The following SYVN1 variants were observed in gnomAD, a reference collection of about 807,000 sequenced individuals.
SYVN1 encodes synoviolin 1, also known as E3 ubiquitin-protein ligase synoviolin.
SYVN1 carries 17 observed loss-of-function variants against 62.6 expected under a neutral mutation model. The ratio of observed to expected loss-of-function variants is 0.27; its 90% CI spans 0.19 to 0.41. SYVN1 has a LOEUF of 0.41. SYVN1 is among the 10% of genes least tolerant of loss of function. The pLI, the probability that SYVN1 is intolerant of heterozygous loss-of-function variation, is 1.00. For missense variants in SYVN1, 634 were observed against 818.0 expected, an observed-to-expected ratio of 0.78 and a Z score of 2.74; for synonymous variants, 316 against 304.0, an observed-to-expected ratio of 1.04 and a Z score of -0.41.
chr11:65,132,475 A>C, intron 5 of SYVN1, 124 bp from the exon 6 acceptor site: 1 of 768,230 alleles, frequency 1.3e-6, no homozygotes, highest in Non-Finnish European at 2.2e-6. Context: ...AGGTGGGCAC[A>C]CTCCACTGAA....
chr11:65,132,172 AG>A (rs967067250), intron 6 of SYVN1, 75 bp downstream of exon 6: 3 of 1,148,128 alleles, frequency 2.6e-6, no homozygotes, highest in Non-Finnish European at 4.0e-6. Context: ...GTGCTGAGGA[AG>A]GGTCTGTTGG....
Position 65,128,246 on chromosome 11 carries a change from G to C in SYVN1, c.*136C>G. The C allele has an allele frequency of 1.4e-6, 1 of 725,906 alleles. No homozygotes were observed. The highest frequency in any genetic ancestry group is 2.3e-6 in the Non-Finnish European group (1 of 433,888). The allele number at this position is 725,906 out of a possible 1,614,324, so 45.0% of individuals were successfully genotyped here. A position where few individuals can be genotyped will look rare whatever the true frequency, so the allele number is the denominator to read the frequency against. ...CCCAGCCTCTTTCCACTTGGCCTAG[G>C]GGATGCCGCCTCTTTCTCAGAGCTG... is the stretch of plus-strand genomic sequence containing the variant. On this transcript the variant is annotated 3_prime_UTR_variant, in exon 16 of 16. Transcript: ENST00000377190.
In SYVN1 at chr11:65,130,664, G is replaced by C. The variant is rs773661171; in HGVS notation, c.1101C>G (p.Pro367=). 19 of 1,500,244 alleles carry C rather than the reference G, an allele frequency of 1.3e-5. No homozygotes were observed. The highest frequency in any genetic ancestry group is 1.6e-5 in the Non-Finnish European group (18 of 1,126,310). 92.9% of individuals were successfully genotyped at this position (1,500,244 alleles called of 1,614,324 possible). The part of the protein sequence containing the change: ...PHPPPLLPQP[P]NFPQGLLPPF... Reference sequence around the variant, plus strand: ...GCCAGACAAGGGGATACTCACAGTTGGGGGGCTGAGGCAAGAGTGGTGGGG... The same window carrying C: ...GCCAGACAAGGGGATACTCACAGTTCGGGGGCTGAGGCAAGAGTGGTGGGG... Residue 367 remains proline, a synonymous_variant, in exon 11 of 16, where the codon CCC becomes CCG. Coordinates refer to ENST00000377190, the MANE Select transcript of SYVN1 (RefSeq NM_172230.3).
At position 65,131,477 on chromosome 11, in the gene SYVN1, C is replaced by T; in HGVS notation, c.651G>A (p.Leu217=). 6.2e-7 allele frequency: 1 copy of T among 1,614,130 alleles called. No individual in the cohort carries two copies. The highest frequency in any genetic ancestry group is 1.1e-5 in the South Asian group (1 of 91,086). The change falls in exon 7 of 16, where the codon CTG becomes CTA. Residue 217 remains leucine, a synonymous_variant. Coordinates refer to ENST00000377190, the MANE Select transcript of SYVN1 (RefSeq NM_172230.3). ...NKAVYMLYTE[L]FTGFIKVLLY... ...GGCCCAGGCCCCTCTCACCTGTAAA[C>T]AGCTCTGTGTAGAGCATGTACACAG...
rs759911699 is a variant in SYVN1 at position 65,128,088 on chromosome 11, G to A, written c.*294C>T. On this transcript the variant is annotated 3_prime_UTR_variant, in exon 16 of 16. Coordinates refer to ENST00000377190, the MANE Select transcript of SYVN1 (RefSeq NM_172230.3). Reference sequence around the variant, plus strand: ...CTTCTCCTGGAAAGGGGTGGGGGAAGAAGAGGGCTTCTCAGAGGCTAAACC... The same window carrying A: ...CTTCTCCTGGAAAGGGGTGGGGGAAAAAGAGGGCTTCTCAGAGGCTAAACC... 7.5e-6 allele frequency: 4 copies of A among 530,528 alleles called. No homozygotes were observed. The highest frequency in any genetic ancestry group is 1.3e-5 in the Non-Finnish European group (4 of 297,070). 32.9% of individuals were successfully genotyped at this position (530,528 alleles called of 1,614,324 possible). A position where few individuals can be genotyped will look rare whatever the true frequency, so the allele number is the denominator to read the frequency against.
At position 65,130,119 on chromosome 11, in the gene SYVN1, T is replaced by C. The variant is rs1590826449; in HGVS notation, c.1291A>G (p.Thr431Ala). 3 of 1,611,314 alleles carry C rather than the reference T, an allele frequency of 1.9e-6. No homozygotes were observed. Among genetic ancestry groups the C allele is most frequent in the Non-Finnish European group, 2.5e-6 (3 of 1,178,410 alleles). Residue 431 changes from threonine (T) to alanine (A), a missense_variant, in exon 13 of 16, where the codon ACT (threonine) becomes GCT (alanine). By Grantham distance (58) the Thr-to-Ala change is moderately conservative. Transcript: ENST00000377190. ...ATTTAAGTSA[T>A]AASATASGPG... ...CCAGATGCTGTGGCAGAAGCAGCAG[T>C]AGCACTGGTGCCAGCAGCTGTGGTT...
intron 6 of SYVN1, 98 bp downstream of exon 6, chr11:65,132,150 G>A: frequency 1.1e-6 from 1 of 948,408 alleles, no homozygotes; most frequent in South Asian, 1.3e-5. Flanking sequence ...GCACAGGTTG[G>A]CCACATAGCA....
At position 65,130,234 on chromosome 11, in the gene SYVN1, A is replaced by G. The variant is rs1347147234; in HGVS notation, c.1234+17T>C. The G allele has an allele frequency of 6.2e-7, 1 of 1,608,588 alleles. No individual in the cohort carries two copies. ...ATCCCTGCCGCCCCCTGGCTGTCAC[A>G]GTACCCAAAGGCTCACCTGCACTGG... On this transcript the variant is annotated intron_variant, in intron 12 of 15. Transcript: ENST00000377190.
Position 65,127,927 on chromosome 11 carries a change from C to T in SYVN1, c.*455G>A, listed in dbSNP as rs1438504256. 5.4e-6 allele frequency: 1 copy of T among 186,614 alleles called. No individual in the cohort carries two copies. The highest frequency in any genetic ancestry group is 1.1e-5 in the Non-Finnish European group (1 of 89,276). 11.6% of individuals were successfully genotyped at this position (186,614 alleles called of 1,614,324 possible). A position where few individuals can be genotyped will look rare whatever the true frequency, so the allele number is the denominator to read the frequency against. On this transcript the variant is annotated 3_prime_UTR_variant, in exon 16 of 16. Transcript: ENST00000377190. ...GTAAGAAAAGGAAATGGGTACCAGT[C>T]TTAGGGGTGGGCCAGCGAGCAAGTT...
rs1948190734 is a variant in SYVN1 at position 65,132,296 on chromosome 11, G to A, written c.483C>T (p.His161=). 8 of 1,614,178 alleles carry A rather than the reference G, an allele frequency of 5.0e-6. No individual in the cohort carries two copies. Among genetic ancestry groups the A allele is most frequent in the Non-Finnish European group, 6.8e-6 (8 of 1,179,998 alleles). ...CAGAGGCCCCACGGGTCAGGATGCTGTGATAGGCGTGGCTGACGAAGAGGA... is the reference window on the plus strand; with the variant it reads ...CAGAGGCCCCACGGGTCAGGATGCTATGATAGGCGTGGCTGACGAAGAGGA... ...LDFLFVSHAY[H]SILTRGASVQ... is the part of the protein sequence containing the mutation. Residue 161 remains histidine (H), a synonymous_variant, in exon 6 of 16, where the codon CAC becomes CAT. Transcript: ENST00000377190.
Position 65,131,368 on chromosome 11 carries a change from T to A in SYVN1, c.664A>T (p.Ile222Phe). The change falls in exon 8 of 16, where the codon ATC (isoleucine) becomes TTC (phenylalanine). Residue 222 changes from isoleucine to phenylalanine, a missense_variant. Physicochemically the swap from Ile to Phe is conservative, Grantham distance 21 (BLOSUM62 0). Transcript: ENST00000377190. The stretch of plus-strand genomic sequence containing the variant: ...AAGGCCATGTACAGCAGAACCTTGA[T>A]GAAGCCTGAGGGGAGGGGATGCAGA... Reference protein sequence around the residue: ...MLYTELFTGFIKVLLYMAFMT... With the variant: ...MLYTELFTGFFKVLLYMAFMT... 1 of 1,613,924 alleles carries A rather than the reference T, an allele frequency of 6.2e-7. No individual in the cohort carries two copies. The highest frequency in any genetic ancestry group is 8.5e-7 in the Non-Finnish European group (1 of 1,179,950).
At position 65,133,461 on chromosome 11, in the gene SYVN1, T is replaced by G. The variant is rs766867201; in HGVS notation, c.132+9A>C. On this transcript the variant is annotated intron_variant, in intron 2 of 15. Coordinates refer to ENST00000377190, the MANE Select transcript of SYVN1 (RefSeq NM_172230.3). ...AGGGAGTTCCTCCCTCCCTGAGCCC[T>G]GAACTCACTGCCATGCTGGGGCTGG... is the stretch of plus-strand genomic sequence containing the variant. The G allele has an allele frequency of 6.2e-7, 1 of 1,613,538 alleles. No homozygotes were observed. The highest frequency in any genetic ancestry group is 8.5e-7 in the Non-Finnish European group (1 of 1,179,866).
Position 65,130,347 on chromosome 11 carries a change from C to A in SYVN1, c.1138G>T (p.Gly380Cys). 1 of 1,554,196 alleles carries A rather than the reference C, an allele frequency of 6.4e-7. No individual in the cohort carries two copies. Among genetic ancestry groups the A allele is most frequent in the South Asian group, 1.2e-5 (1 of 82,232 alleles). ...PQGLLPPFPPGMFPLWPPMGP... is the reference protein window; with the variant it reads ...PQGLLPPFPPCMFPLWPPMGP... Reference sequence around the variant, plus strand: ...ATGGGGGGCCACAGTGGGAACATGCCTGGAGGAAAAGGAGGCAGGAGGCCC... The same window carrying A: ...ATGGGGGGCCACAGTGGGAACATGCATGGAGGAAAAGGAGGCAGGAGGCCC... The change falls in exon 12 of 16, where the codon GGC (glycine) becomes TGC (cysteine). Residue 380 changes from glycine (G) to cysteine (C), a missense_variant. Transcript: ENST00000377190.
At chr11:65,129,284 T>C (rs879554745) in intron 14 of SYVN1, 11 of 174,098 alleles carry the variant, frequency 6.3e-5, no homozygotes, top group Non-Finnish European at 8.7e-5. Context: ...GACCCCTTTA[T>C]TCAAATAATG....
chr11:65,129,971 C>T (rs1036595763), intron 13 of SYVN1, 31 bp downstream of exon 13: 4 of 1,599,396 alleles, frequency 2.5e-6, no homozygotes, highest in Non-Finnish European at 3.4e-6. Context: ...ACCTCACCCC[C>T]AAGAAGAACC....
At position 65,128,459 on chromosome 11, in the gene SYVN1, G is replaced by T; in HGVS notation, c.1777C>A (p.Pro593Thr). Residue 593 changes from proline to threonine, a missense_variant, in exon 16 of 16, where the codon CCT (proline) becomes ACT (threonine). Pro to Thr is a conservative substitution (Grantham distance 38). This residue lies in a region of SYVN1 where 351 missense variants were observed against 373.3 expected (regional missense o/e 0.94). Transcript: ENST00000377190. ...APESVGTEEMPEDGEPDAAEL... is the reference protein window; with the variant it reads ...APESVGTEEMTEDGEPDAAEL... ...GCTGCATCGGGCTCTCCATCCTCAG[G>T]CATCTCCTCTGTGCCCACTGACTCA... The T allele has an allele frequency of 6.2e-7, 1 of 1,614,174 alleles. No homozygotes were observed. The highest frequency in any genetic ancestry group is 8.5e-7 in the Non-Finnish European group (1 of 1,180,028).
At chr11:65,130,621 C>A in intron 11 of SYVN1, 39 bp downstream of exon 11, 1 of 1,496,782 alleles carries the variant, frequency 6.7e-7, no homozygotes, top group South Asian at 1.4e-5. Context: ...GGGCAAGTAT[C>A]CAGTGGTATG....
Position 65,133,549 on chromosome 11 carries a change from A to G in SYVN1, c.53T>C (p.Val18Ala). 6.2e-7 allele frequency: 1 copy of G among 1,613,174 alleles called. No individual in the cohort carries two copies. Among genetic ancestry groups the G allele is most frequent in the South Asian group, 1.1e-5 (1 of 91,090 alleles). Residue 18 changes from valine (V) to alanine (A), a missense_variant, in exon 2 of 16, where the codon GTG becomes GCG. Physicochemically the swap from Val to Ala is moderately conservative, Grantham distance 64. This residue lies in a region of SYVN1 where 283 missense variants were observed against 444.7 expected (regional missense o/e 0.64). Transcript: ENST00000377190. The stretch of plus-strand genomic sequence containing the variant: ...TTTGAGGTAGTAGGCGTGAGCCACC[A>G]CAGCCCCGGTCAGCGCCAGGCTGGC... ...MAASLALTGA[V>A]VAHAYYLKHQ...
chr11:65,131,170 G>C lies in SYVN1; in HGVS notation c.786C>G (p.Ala262=). The part of the protein sequence containing the change: ...MRQFKKAVTD[A]IMSRRAIRNM... ...TGCGGATGGCTCGGCGAGACATGATGGCATCTGTCACAGCTTTCTTGAACT... is the reference window on the plus strand; with the variant it reads ...TGCGGATGGCTCGGCGAGACATGATCGCATCTGTCACAGCTTTCTTGAACT... Residue 262 remains alanine, a synonymous_variant, in exon 9 of 16, where the codon GCC becomes GCG. Transcript: ENST00000377190. The C allele has an allele frequency of 1.2e-6, 2 of 1,614,196 alleles. No homozygotes were observed.
Sources: gnomAD v4.1 joint callset for allele counts on GRCh38, gnomAD v4.1.1 for gene constraint, gnomAD v4.1.1 regional missense constraint, MANE v1.5 for transcripts, NCBI Gene and HGNC (gene_info 2026-07-23, HGNC 2026-07-21) for gene names.